KIZ: variants seen among roughly 807,000 people sequenced by gnomAD.
The protein encoded by KIZ is kizuna centrosomal protein.
Under a neutral mutation model 79.6 loss-of-function variants are expected in KIZ, and 68 were observed. That is an observed-to-expected ratio of 0.85 (90% confidence interval 0.70 to 1.05). The LOEUF (loss-of-function observed/expected upper bound fraction) is 1.05. Among genes scored for constraint, KIZ ranks in the 50% least tolerant of loss-of-function variants. The pLI is 0.00. For synonymous variants in KIZ, 280 were observed against 281.8 expected (o/e 0.99, Z 0.06); for missense variants, 797 against 800.4 (o/e 1.00, Z 0.05).
chr20:21,179,066 G>C (rs2034545229), intron 6 of KIZ, among the ~76,000 whole-genome samples: 1 of 152,022 alleles, frequency 6.6e-6, no homozygotes, highest in African/African-American at 2.4e-5. Context: ...TTTGGCATCA[G>C]GGTAATGCGG....
At chr20:21,204,804 A>G (rs967317816) in intron 6 of KIZ, among the ~76,000 whole-genome samples, 2 of 152,336 alleles carry the variant, frequency 1.3e-5, no homozygotes, top group South Asian at 4.1e-4. Flanking sequence ...CTAATATCTT[A>G]ATTTTTAAAA....
At chr20:21,128,864 A>G (rs1345892231) in intron 1 of KIZ, among the ~76,000 whole-genome samples, 3 of 152,234 alleles carry the variant, frequency 2.0e-5, no homozygotes, top group Non-Finnish European at 4.4e-5. Flanking sequence ...TTAGTAGAGT[A>G]AGCTGAAGAT....
At chr20:21,229,487 C>G (rs1056504875) in intron 10 of KIZ, among the ~76,000 whole-genome samples, 1 of 152,230 alleles carries the variant, frequency 6.6e-6, no homozygotes, top group Non-Finnish European at 1.5e-5. Context: ...TTTCCCTCAC[C>G]AGAATGTTGG....
chr20:21,165,630 C>T (rs2033895339), intron 6 of KIZ, among the ~76,000 whole-genome samples: 1 of 152,054 alleles, frequency 6.6e-6, no homozygotes, highest in Non-Finnish European at 1.5e-5. Context: ...CCCTGAGATT[C>T]CCGCTCCCTG....
At chr20:21,139,329 C>T (rs1351851761) in intron 3 of KIZ, among the ~76,000 whole-genome samples, 2 of 151,938 alleles carry the variant, frequency 1.3e-5, no homozygotes, top group Non-Finnish European at 2.9e-5. Flanking sequence ...ACCTCCTATC[C>T]AAGGAGCTGT....
intron 4 of KIZ, among the ~76,000 whole-genome samples, chr20:21,157,010 G>A (rs945451881): frequency 2.6e-5 from 4 of 152,118 alleles, no homozygotes; most frequent in African/African-American, 4.8e-5. Context: ...TGCAGTCCCA[G>A]CTACTTGGGA....
intron 6 of KIZ, among the ~76,000 whole-genome samples, chr20:21,165,152 G>A (rs1054817899): frequency 8.5e-5 from 13 of 152,114 alleles, no homozygotes; most frequent in African/African-American, 3.1e-4. Context: ...GTCTGTTGGG[G>A]GCCTGGAGAA....
intron 10 of KIZ, among the ~76,000 whole-genome samples, chr20:21,231,354 T>G (rs139273112): frequency 2.1e-4 from 32 of 152,200 alleles, no homozygotes; most frequent in African/African-American, 7.2e-4. Flanking sequence ...GATGAGTAAA[T>G]TTGACATATA....
chr20:21,206,031 G>A (rs1440392205), intron 7 of KIZ, among the ~76,000 whole-genome samples: 2 of 152,118 alleles, frequency 1.3e-5, no homozygotes, highest in African/African-American at 4.8e-5. Context: ...GATAAGAAAA[G>A]TAGTAAGTGA....
chr20:21,167,624 C>T (rs1418023177), intron 6 of KIZ, among the ~76,000 whole-genome samples: 3 of 141,978 alleles, frequency 2.1e-5, no homozygotes, highest in Non-Finnish European at 3.0e-5. Flanking sequence ...TACAATGGCA[C>T]GATCTCGGCT....
At chr20:21,238,243 C>A (rs1014425064) in intron 11 of KIZ, among the ~76,000 whole-genome samples, 7 of 150,236 alleles carry the variant, frequency 4.7e-5, no homozygotes, top group African/African-American at 1.7e-4. Context: ...AAATAAAAGT[C>A]AGTTTGTACA....
chr20:21,221,336 TGA>T (rs1209515871), intron 9 of KIZ, among the ~76,000 whole-genome samples: 1 of 152,164 alleles, frequency 6.6e-6, no homozygotes, highest in Non-Finnish European at 1.5e-5. Flanking sequence ...ATTTGTCAAA[TGA>T]ATAAAAATGG....
intron 11 of KIZ, among the ~76,000 whole-genome samples, chr20:21,238,837 G>A (rs1238427372): frequency 2.6e-5 from 4 of 152,204 alleles, no homozygotes. Context: ...GGAAGGCCTG[G>A]CTGAGGCAGT....
chr20:21,172,222 G>A (rs546256490), intron 6 of KIZ, among the ~76,000 whole-genome samples: 2 of 152,288 alleles, frequency 1.3e-5, no homozygotes, highest in African/African-American at 4.8e-5. Flanking sequence ...GCTCTGTGCC[G>A]GGTATTGTTC....
intron 6 of KIZ, among the ~76,000 whole-genome samples, chr20:21,174,521 AAAAAG>A (rs1289211367): frequency 6.6e-6 from 1 of 152,228 alleles, no homozygotes; most frequent in Non-Finnish European, 1.5e-5. Context: ...TAGAAAAAGA[AAAAAG>A]AAAAGAAAAC....
At chr20:21,125,986 G>T, upstream of KIZ, 2 of 1,296,352 alleles carry the variant, frequency 1.5e-6, no homozygotes, top group Admixed American at 4.1e-5. Context: ...CCCCCACGGC[G>T]TCTTGCCCCG....
intron 6 of KIZ, among the ~76,000 whole-genome samples, chr20:21,191,115 C>A (rs1413487206): frequency 1.3e-5 from 2 of 152,118 alleles, no homozygotes; most frequent in Non-Finnish European, 2.9e-5. Context: ...TTTTAATGAC[C>A]ACCTTATCAC....
chr20:21,187,757 C>A (rs1281159878), intron 6 of KIZ, among the ~76,000 whole-genome samples: 1 of 152,134 alleles, frequency 6.6e-6, no homozygotes, highest in Non-Finnish European at 1.5e-5. Context: ...CTTGACAACA[C>A]CAGATACCTT....
intron 6 of KIZ, chr20:21,198,810 G>T (rs1296689101): frequency 1.3e-5 from 2 of 152,582 alleles, no homozygotes; most frequent in East Asian, 1.9e-4. Flanking sequence ...TCAACCTAAG[G>T]CAGTAAAGGG....
Sources: gnomAD v4.1 joint callset for allele counts (sites outside exome capture counted in the v4.1 genomes callset) on GRCh38, gnomAD v4.1.1 for gene constraint, MANE v1.5 for transcripts, NCBI Gene and HGNC (gene_info 2026-07-23, HGNC 2026-07-21) for gene names.